KIF9: variants seen among roughly 807,000 people sequenced by gnomAD.
KIF9 encodes the protein kinesin family member 9, also known as kinesin-like protein KIF9.
A neutral mutation model predicts 94.8 loss-of-function variants in KIF9; 68 were observed. The observed-to-expected ratio is 0.72, with a 90% CI of 0.59 to 0.88. The LOEUF (loss-of-function observed/expected upper bound fraction) is 0.88. Ranked by LOEUF, KIF9 falls within the 40% of genes least tolerant of loss-of-function variation. The pLI, the probability that KIF9 is intolerant of heterozygous loss-of-function variation, is 0.00. For missense variants in KIF9, 882 were observed against 982.5 expected (o/e 0.90, Z 1.37); for synonymous variants, 343 against 362.1 (o/e 0.95, Z 0.60).
At chr3:47,253,849 T>C (rs908334533) in intron 10 of KIF9, among the ~76,000 whole-genome samples, 5 of 152,226 alleles carry the variant, frequency 3.3e-5, no homozygotes, top group African/African-American at 1.2e-4. Flanking sequence ...AGAGTCACTA[T>C]TTAATCCTTA....
chr3:47,264,040 TCA>T, intron 9 of KIF9: 1 of 562,438 alleles, frequency 1.8e-6, no homozygotes, highest in Admixed American at 2.2e-5. Context: ...GCCTCCCTCC[TCA>T]CACAGTCTCC....
In KIF9 at chr3:47,235,497, T is replaced by C. The variant is rs773338332; in HGVS notation, c.2322+16A>G. 8.9e-6 allele frequency: 14 copies of C among 1,567,678 alleles called. No individual in the cohort carries two copies. In the African/African-American group the frequency reaches 9.5e-5, roughly 11 times the overall value. On this transcript the variant is annotated intron_variant, in intron 20 of 20. Coordinates refer to ENST00000684063, the MANE Select transcript of KIF9 (RefSeq NM_182902.4). ...TGAGGCCCCCATCCTCCTGGAGACATAGGCCTCTGAGTTACCTTCTGCTCT... is the reference window on the plus strand; with the variant it reads ...TGAGGCCCCCATCCTCCTGGAGACACAGGCCTCTGAGTTACCTTCTGCTCT...
intron 17 of KIF9, among the ~76,000 whole-genome samples, 165 bp downstream of exon 17, chr3:47,240,636 G>C (rs370135105): frequency 6.6e-6 from 1 of 152,102 alleles, no homozygotes; most frequent in Non-Finnish European, 1.5e-5. Context: ...GCGGCTCTCA[G>C]GGGCTGACCA....
chr3:47,272,544 C>T (rs1453535952), intron 4 of KIF9, among the ~76,000 whole-genome samples: 1 of 151,758 alleles, frequency 6.6e-6, no homozygotes, highest in Non-Finnish European at 1.5e-5. Context: ...AAATGTGCCC[C>T]AAGTATAAAA....
intron 17 of KIF9, 76 bp downstream of exon 17, chr3:47,240,725 G>A (rs1699405564): frequency 7.9e-7 from 1 of 1,272,738 alleles, no homozygotes. Flanking sequence ...GACCTCTAGT[G>A]CCAAGGGCTG....
chr3:47,275,196 C>T lies in KIF9; in HGVS notation c.259+129G>A, dbSNP rs183012783. On this transcript the variant is annotated intron_variant, in intron 3 of 20. Coordinates refer to ENST00000684063, the MANE Select transcript of KIF9 (RefSeq NM_182902.4). Reference sequence around the variant, plus strand: ...AACAAGCAAACAGTAAGTTTTGCAACGTAAGAACATGGAGACAGACAAACA... The same window carrying T: ...AACAAGCAAACAGTAAGTTTTGCAATGTAAGAACATGGAGACAGACAAACA... 5.9e-5 allele frequency: 43 copies of T among 733,334 alleles called. No homozygotes were observed. The Admixed American group carries it at 8.3e-4, about 14-fold the overall frequency. The allele number at this position is 733,334 out of a possible 1,614,324, so 45.4% of individuals were successfully genotyped here.
At chr3:47,240,003 C>T (rs1459074676) in intron 17 of KIF9, 25 of 1,256,532 alleles carry the variant, frequency 2.0e-5, no homozygotes, top group East Asian at 4.8e-5. Flanking sequence ...TGGTCACTCA[C>T]TAAAATGCAG....
chr3:47,251,299 C>T (rs1243713774), intron 10 of KIF9, among the ~76,000 whole-genome samples: 2 of 152,214 alleles, frequency 1.3e-5, no homozygotes, highest in Non-Finnish European at 2.9e-5. Context: ...GGTGCAGTGG[C>T]ACATGCCTGT....
At chr3:47,281,829 G>C (rs1702381856) in intron 1 of KIF9, among the ~76,000 whole-genome samples, 1 of 152,236 alleles carries the variant, frequency 6.6e-6, no homozygotes, top group African/African-American at 2.4e-5. Flanking sequence ...AAGCAGCCAT[G>C]AAGACTAGAC....
chr3:47,281,220 G>C (rs920412371), intron 1 of KIF9: 1 of 564,570 alleles, frequency 1.8e-6, no homozygotes, highest in East Asian at 2.9e-5. Context: ...AGGGGCATAT[G>C]ATGTCACTCC....
At chr3:47,244,200 T>C (rs995168940) in intron 15 of KIF9, 1 of 152,294 alleles carries the variant, frequency 6.6e-6, no homozygotes, top group Non-Finnish European at 1.5e-5. Context: ...ACCCCTTGGG[T>C]GTGAGAAGTG....
rs1369154453 is a variant in KIF9 at position 47,256,377 on chromosome 3, C to T, written c.1059+1106G>A. ...GAGACCCTCTGCCTGGCAACCGCCC[C>T]GTCTGAGAAGTGAGGAGCCCCTCCG... On this transcript the variant is annotated intron_variant, in intron 10 of 20. Transcript: ENST00000684063. 4.6e-5 allele frequency among the ~76,000 whole-genome samples: 7 copies of T among 151,586 alleles called. No individual in the cohort carries two copies. The South Asian group carries it at 8.3e-4, about 18-fold the overall frequency.
intron 2 of KIF9, chr3:47,276,955 T>G: frequency 6.3e-6 from 1 of 158,614 alleles, no homozygotes. Context: ...CTGCACCCCA[T>G]GGGCGATTAT....
Position 47,232,282 on chromosome 3 carries a change from TTTTTG to T in KIF9, c.2322+3226_2322+3230del, listed in dbSNP as rs747580441. ...TGTGAGCAATACATTTCTGCTGTTTTTTTTGTTTTGTTTTGTTTTTTTTACGGAGT... is the reference window on the plus strand; with the variant it reads ...TGTGAGCAATACATTTCTGCTGTTTTTTTTGTTTTGTTTTTTTTACGGAGT... On this transcript the variant is annotated intron_variant, in intron 20 of 20. Coordinates refer to ENST00000684063, the MANE Select transcript of KIF9 (RefSeq NM_182902.4). Among the ~76,000 whole-genome samples the T allele has an allele frequency of 3.3e-5, 5 of 152,234 alleles. No homozygotes were observed. The South Asian group carries it at 6.2e-4, about 19-fold the overall frequency.
chr3:47,262,410 C>T (rs994815371), intron 9 of KIF9, among the ~76,000 whole-genome samples: 3 of 152,046 alleles, frequency 2.0e-5, no homozygotes, highest in Non-Finnish European at 4.4e-5. Flanking sequence ...GCTGGGATTA[C>T]AGGCGCCCGC....
intron 1 of KIF9, among the ~76,000 whole-genome samples, chr3:47,279,805 G>A (rs927484312): frequency 1.3e-5 from 2 of 152,030 alleles, no homozygotes; most frequent in Non-Finnish European, 2.9e-5. Context: ...TTTTAGTAGA[G>A]ATGGGGTTTC....
At chr3:47,264,908 C>G (rs767630564) in intron 8 of KIF9, among the ~76,000 whole-genome samples, 1 of 152,194 alleles carries the variant, frequency 6.6e-6, no homozygotes, top group African/African-American at 2.4e-5. Context: ...AGACCAGAAC[C>G]CTCTCTTTCT....
At chr3:47,246,308 G>A in intron 12 of KIF9, 56 bp from the exon 13 acceptor site, 1 of 1,457,876 alleles carries the variant, frequency 6.9e-7, no homozygotes, top group Non-Finnish European at 9.5e-7. Context: ...AGGGACCAGG[G>A]GGCATCTATG....
intron 14 of KIF9, 109 bp downstream of exon 14, chr3:47,245,312 T>C: frequency 1.2e-6 from 1 of 842,902 alleles, no homozygotes; most frequent in African/African-American, 1.7e-5. Context: ...TACCTTTATC[T>C]GTTGCAATCC....
Sources: allele counts gnomAD v4.1 joint callset (sites outside exome capture counted in the v4.1 genomes callset), GRCh38; gene constraint gnomAD v4.1.1; transcripts MANE v1.5; gene names NCBI Gene and HGNC (gene_info 2026-07-23, HGNC 2026-07-21).